Variants in SIDT1 observed in about 807,000 individuals in gnomAD.
The protein encoded by SIDT1 is SID1 transmembrane family member 1.
Under a neutral mutation model 107.5 loss-of-function variants are expected in SIDT1, and 101 were observed. That is an observed-to-expected ratio of 0.94 (90% confidence interval 0.80 to 1.11). The LOEUF (loss-of-function observed/expected upper bound fraction) is 1.11, where lower values mean the gene tolerates loss of function less well. Among genes scored for constraint, SIDT1 ranks in the 50% least tolerant of loss-of-function variants. The pLI, the probability that SIDT1 is intolerant of heterozygous loss-of-function variation, is 0.00. For missense variants in SIDT1, 1,076 were observed against 1,058.2 expected (o/e 1.02, Z -0.23); for synonymous variants, 395 against 398.2 (o/e 0.99, Z 0.10).
chr3:113,587,621 T>G (rs1384639364), intron 9 of SIDT1, among the ~76,000 whole-genome samples: 9 of 152,222 alleles, frequency 5.9e-5, no homozygotes, highest in Admixed American at 4.6e-4. Context: ...ATGGTTCCAT[T>G]TGCCTTTCAT....
At chr3:113,571,543 A>G (rs2107423547) in intron 3 of SIDT1, among the ~76,000 whole-genome samples, 1 of 145,780 alleles carries the variant, frequency 6.9e-6, no homozygotes, top group South Asian at 2.2e-4. Flanking sequence ...TCTACACTCC[A>G]GTGCCCAGGT....
At chr3:113,623,578 C>T (rs1345350205) in intron 22 of SIDT1, 45 bp from the exon 23 acceptor site, 4 of 1,601,178 alleles carry the variant, frequency 2.5e-6, no homozygotes, top group Non-Finnish European at 3.4e-6. Context: ...CTCGGGCAGG[C>T]GAAGGCGGGG....
intron 10 of SIDT1, among the ~76,000 whole-genome samples, chr3:113,598,339 T>C (rs1038155241): frequency 5.3e-5 from 8 of 152,192 alleles, no homozygotes; most frequent in African/African-American, 1.9e-4. Flanking sequence ...CTTGCTTTGA[T>C]TTTAGTTTTT....
rs1318985619 is a variant in SIDT1 at position 113,608,173 on chromosome 3, A to G, written c.1558A>G (p.Ile520Val). 2.5e-6 allele frequency: 4 copies of G among 1,611,344 alleles called. No individual in the cohort carries two copies. Among genetic ancestry groups the G allele is most frequent in the South Asian group, 1.1e-5 (1 of 90,536 alleles). ...CCTGCTGATAGTCTTGCGCCGCGAC[A>G]TCCTCCATCGGAGAGCCCTGGAAGC... ...LFLLIVLRRD[I>V]LHRRALEAKD... Residue 520 changes from isoleucine (I) to valine (V), a missense_variant, in exon 16 of 25, where the codon ATC (isoleucine) becomes GTC (valine). Physicochemically the swap from Ile to Val is conservative, Grantham distance 29 (BLOSUM62 3). Coordinates refer to ENST00000264852, the MANE Select transcript of SIDT1 (RefSeq NM_017699.3).
intron 20 of SIDT1, among the ~76,000 whole-genome samples, chr3:113,616,908 G>A (rs993838302): frequency 6.6e-6 from 1 of 152,024 alleles, no homozygotes; most frequent in African/African-American, 2.4e-5. Flanking sequence ...GGCTGGTCTT[G>A]AACTCCCAAC....
intron 10 of SIDT1, among the ~76,000 whole-genome samples, chr3:113,597,510 A>C (rs1230410153): frequency 3.4e-5 from 4 of 119,358 alleles, no homozygotes; most frequent in African/African-American, 2.9e-5. Flanking sequence ...AAAAAAAAAA[A>C]AAAAAAAAAA....
chr3:113,615,945 A>C, intron 19 of SIDT1, 155 bp from the exon 20 acceptor site: 1 of 669,026 alleles, frequency 1.5e-6, no homozygotes. Flanking sequence ...TTTTCAAAGC[A>C]AATACTTATT....
At position 113,626,644 on chromosome 3, in the gene SIDT1, A is replaced by G. The variant is rs112058026; in HGVS notation, c.2421+429A>G. On this transcript the variant is annotated intron_variant, in intron 24 of 24. Coordinates refer to ENST00000264852, the MANE Select transcript of SIDT1 (RefSeq NM_017699.3). Reference sequence around the variant, plus strand: ...TCACAAATATTTTACATATTCCTTAAGTGGCTTGGGGTAGCAGCCACGTGT... The same window carrying G: ...TCACAAATATTTTACATATTCCTTAGGTGGCTTGGGGTAGCAGCCACGTGT... Among the ~76,000 whole-genome samples, 105 of 152,188 alleles carry G rather than the reference A, an allele frequency of 6.9e-4. 1 individual carries two copies. Among genetic ancestry groups the G allele is most frequent in the African/African-American group, 2.2e-3 (91 of 41,508 alleles).
chr3:113,564,308 T>C (rs560772737), intron 1 of SIDT1, among the ~76,000 whole-genome samples: 53 of 152,306 alleles, frequency 3.5e-4, no homozygotes, highest in African/African-American at 1.2e-3. Context: ...TGAAATAAAA[T>C]ACATTTGTTA....
At chr3:113,625,075 G>A (rs967935210) in intron 23 of SIDT1, among the ~76,000 whole-genome samples, 1 of 146,584 alleles carries the variant, frequency 6.8e-6, no homozygotes, top group Non-Finnish European at 1.5e-5. Flanking sequence ...TTTTCTTTTG[G>A]ATATATATCA....
intron 4 of SIDT1, among the ~76,000 whole-genome samples, chr3:113,580,365 C>A (rs965344127): frequency 6.6e-6 from 1 of 152,002 alleles, no homozygotes; most frequent in Non-Finnish European, 1.5e-5. Context: ...TTTCTTTTAC[C>A]CTAGAAAAAG....
intron 4 of SIDT1, 91 bp downstream of exon 4, chr3:113,577,058 G>A (rs892109271): frequency 2.8e-5 from 34 of 1,212,314 alleles, no homozygotes; most frequent in South Asian, 8.5e-5. Flanking sequence ...TAGAGTTAGC[G>A]TGTGGTGTTG....
intron 1 of SIDT1, among the ~76,000 whole-genome samples, chr3:113,560,175 A>G (rs908350161): frequency 2.0e-5 from 3 of 152,088 alleles, no homozygotes; most frequent in Non-Finnish European, 4.4e-5. Context: ...AAGGTTTTCT[A>G]ACACTACGAG....
chr3:113,577,593 G>C (rs1943003939), intron 4 of SIDT1, among the ~76,000 whole-genome samples: 1 of 152,186 alleles, frequency 6.6e-6, no homozygotes. Flanking sequence ...CTTGGATTAA[G>C]TCAGGCTGTT....
intron 23 of SIDT1, among the ~76,000 whole-genome samples, chr3:113,625,075 G>C (rs967935210): frequency 3.4e-5 from 5 of 146,584 alleles, no homozygotes; most frequent in South Asian, 2.2e-4. Flanking sequence ...TTTTCTTTTG[G>C]ATATATATCA....
intron 23 of SIDT1, chr3:113,625,784 G>T: frequency 4.0e-6 from 1 of 248,506 alleles, no homozygotes; most frequent in Admixed American, 5.3e-5. Context: ...TATATATTCT[G>T]GTTATTAATT....
chr3:113,615,953 A>G, intron 19 of SIDT1, 147 bp from the exon 20 acceptor site: 2 of 692,494 alleles, frequency 2.9e-6, no homozygotes, highest in South Asian at 1.6e-5. Context: ...GCAAATACTT[A>G]TTGCGCACCT....
intron 19 of SIDT1, among the ~76,000 whole-genome samples, chr3:113,614,775 T>C (rs1049759980): frequency 1.3e-5 from 2 of 152,188 alleles, no homozygotes; most frequent in African/African-American, 4.8e-5. Context: ...CAGGGATTTC[T>C]CATGAGAGAG....
intron 1 of SIDT1, among the ~76,000 whole-genome samples, chr3:113,558,709 C>T (rs1018045448): frequency 6.6e-6 from 1 of 152,172 alleles, no homozygotes; most frequent in Non-Finnish European, 1.5e-5. Context: ...GCTGCTTACC[C>T]TAATAAGAGT....
Sources: allele counts gnomAD v4.1 joint callset (sites outside exome capture counted in the v4.1 genomes callset), GRCh38; gene constraint gnomAD v4.1.1; transcripts MANE v1.5; gene names NCBI Gene and HGNC (gene_info 2026-07-23, HGNC 2026-07-21).